Variants in CNTNAP2 observed in about 807,000 individuals in gnomAD.
CNTNAP2 encodes the protein contactin-associated protein-like 2.
In CNTNAP2, 98 loss-of-function variants were observed where a neutral mutation model predicts 155.2. The observed-to-expected ratio is 0.63, with a 90% CI of 0.54 to 0.75. The LOEUF is 0.75. Among genes scored for constraint, CNTNAP2 ranks in the 30% least tolerant of loss-of-function variants. The probability of loss-of-function intolerance (pLI) is 0.00; values close to 1 mark genes in which losing one functional copy is unlikely to be tolerated. For synonymous variants in CNTNAP2, 651 were observed against 631.2 expected, an observed-to-expected ratio of 1.03 and a Z score of -0.47; for missense variants, 1,727 against 1,688.1, an observed-to-expected ratio of 1.02 and a Z score of -0.40.
At chr7:147,062,431 G>C (rs191846808) in intron 4 of CNTNAP2, among the ~76,000 whole-genome samples, 118 of 152,132 alleles carry the variant, frequency 7.8e-4, no homozygotes, top group Admixed American at 5.0e-3. Flanking sequence ...ACCATATTAT[G>C]AAGTGTAGCA....
At chr7:147,946,019 C>T (rs1054901321) in intron 14 of CNTNAP2, among the ~76,000 whole-genome samples, 3 of 151,824 alleles carry the variant, frequency 2.0e-5, no homozygotes, top group Non-Finnish European at 4.4e-5. Context: ...AGATGCGCGC[C>T]ACCATGCTCG....
At chr7:148,050,670 C>G (rs1451762461) in intron 15 of CNTNAP2, among the ~76,000 whole-genome samples, 2 of 152,186 alleles carry the variant, frequency 1.3e-5, no homozygotes, top group Non-Finnish European at 2.9e-5. Flanking sequence ...TAGGCCTTCA[C>G]GTTCACTCTC....
chr7:146,931,076 C>A (rs1371423411), intron 3 of CNTNAP2, among the ~76,000 whole-genome samples: 1 of 151,850 alleles, frequency 6.6e-6, no homozygotes, highest in Non-Finnish European at 1.5e-5. Context: ...CAGCTCTGCA[C>A]CAAGTGGACC....
chr7:147,997,943 C>T (rs1801834985), intron 15 of CNTNAP2, among the ~76,000 whole-genome samples: 1 of 151,938 alleles, frequency 6.6e-6, no homozygotes, highest in Admixed American at 6.6e-5. Flanking sequence ...AGTCTGAGGA[C>T]GGATGAAATC....
chr7:147,210,183 T>C (rs1274993105), intron 8 of CNTNAP2, among the ~76,000 whole-genome samples: 2 of 152,054 alleles, frequency 1.3e-5, no homozygotes, highest in South Asian at 4.1e-4. Flanking sequence ...AGGTCTTTTT[T>C]TGGATGTCTG....
intron 13 of CNTNAP2, among the ~76,000 whole-genome samples, chr7:147,855,460 C>T (rs765705032): frequency 4.6e-5 from 7 of 152,032 alleles, no homozygotes; most frequent in Non-Finnish European, 8.8e-5. Context: ...AAAGCTGTTA[C>T]TTCTCTAGGC....
chr7:146,851,928 C>T (rs1045453898), intron 3 of CNTNAP2, among the ~76,000 whole-genome samples: 34 of 152,058 alleles, frequency 2.2e-4, no homozygotes, highest in African/African-American at 8.0e-4. Flanking sequence ...TCAAGCAGTC[C>T]TCCCACCTCG....
intron 1 of CNTNAP2, among the ~76,000 whole-genome samples, chr7:146,266,280 T>C (rs1202555539): frequency 1.3e-5 from 2 of 152,206 alleles, no homozygotes; most frequent in East Asian, 3.9e-4. Context: ...TGGAGTGGTT[T>C]TTGACTTTGA....
chr7:146,821,701 G>T (rs2129196311), intron 2 of CNTNAP2, among the ~76,000 whole-genome samples: 1 of 152,034 alleles, frequency 6.6e-6, no homozygotes, highest in African/African-American at 2.4e-5. Flanking sequence ...CATTTAGGCA[G>T]CCAAAAAACA....
intron 4 of CNTNAP2, among the ~76,000 whole-genome samples, chr7:147,097,846 A>G (rs781020222): frequency 2.6e-5 from 4 of 152,140 alleles, no homozygotes; most frequent in Non-Finnish European, 4.4e-5. Context: ...AATTTTTGAC[A>G]TTTTGTTTTT....
chr7:146,212,147 T>C (rs1326577013), intron 1 of CNTNAP2, among the ~76,000 whole-genome samples: 1 of 152,170 alleles, frequency 6.6e-6, no homozygotes, highest in Non-Finnish European at 1.5e-5. Flanking sequence ...TAAAAATACA[T>C]CCAGATCGCA....
intron 13 of CNTNAP2, among the ~76,000 whole-genome samples, chr7:147,832,237 CATTTAATTAAATTATACATTT>C (rs1798561767): frequency 4.7e-5 from 2 of 42,812 alleles, no homozygotes; most frequent in Admixed American, 5.5e-4. Flanking sequence ...ATTATATAAA[CATTTAATTAAATTATACATTT>C]AATTATATAT....
intron 15 of CNTNAP2, among the ~76,000 whole-genome samples, chr7:148,060,537 GACA>G (rs1803109463): frequency 6.6e-6 from 1 of 152,100 alleles, no homozygotes; most frequent in Non-Finnish European, 1.5e-5. Context: ...GAATTTTCCA[GACA>G]ACAAACTCAT....
At chr7:147,481,749 A>T (rs1389488120) in intron 10 of CNTNAP2, among the ~76,000 whole-genome samples, 1 of 152,196 alleles carries the variant, frequency 6.6e-6, no homozygotes, top group Non-Finnish European at 1.5e-5. Flanking sequence ...ACAAATTGAC[A>T]CCTGCCAACT....
chr7:147,298,973 T>G (rs1794890798), intron 8 of CNTNAP2, among the ~76,000 whole-genome samples: 1 of 152,226 alleles, frequency 6.6e-6, no homozygotes, highest in Non-Finnish European at 1.5e-5. Flanking sequence ...CTTGGAGCCT[T>G]GATCTGTGTG....
intron 1 of CNTNAP2, among the ~76,000 whole-genome samples, chr7:146,287,941 A>C (rs1800362899): frequency 6.6e-6 from 1 of 152,090 alleles, no homozygotes; most frequent in South Asian, 2.1e-4. Context: ...TGTCTCCAAA[A>C]ATTTAAATTT....
intron 1 of CNTNAP2, among the ~76,000 whole-genome samples, chr7:146,181,725 G>A (rs958036444): frequency 1.3e-5 from 2 of 152,106 alleles, no homozygotes; most frequent in African/African-American, 4.8e-5. Flanking sequence ...GTAACTCAAG[G>A]TTTTTGACCA....
chr7:148,020,545 C>T (rs1802261008), intron 15 of CNTNAP2, among the ~76,000 whole-genome samples: 3 of 152,064 alleles, frequency 2.0e-5, no homozygotes, highest in African/African-American at 7.2e-5. Flanking sequence ...TAATTTTGGT[C>T]AAGAAATACA....
chr7:147,234,296 G>C (rs1020811453), intron 8 of CNTNAP2, among the ~76,000 whole-genome samples: 1 of 145,750 alleles, frequency 6.9e-6, no homozygotes, highest in African/African-American at 2.5e-5. Context: ...CTAATCCTCA[G>C]ATTCCATTTG....
Sources: allele counts gnomAD v4.1 joint callset (sites outside exome capture counted in the v4.1 genomes callset), GRCh38; gene constraint gnomAD v4.1.1; transcripts MANE v1.5; gene names NCBI Gene and HGNC (gene_info 2026-07-23, HGNC 2026-07-21).